Variants in SLX4 observed in about 807,000 individuals in gnomAD.
The protein encoded by SLX4 is SLX4 structure-specific endonuclease subunit, also known as structure-specific endonuclease subunit SLX4.
Under a neutral mutation model 146.2 loss-of-function variants are expected in SLX4, and 112 were observed. The ratio of observed to expected loss-of-function variants is 0.77; its 90% CI spans 0.66 to 0.90. The LOEUF (loss-of-function observed/expected upper bound fraction) is 0.90, where lower values mean the gene tolerates loss of function less well. Among genes scored for constraint, SLX4 ranks in the 40% least tolerant of loss-of-function variants. The pLI is 0.00. For synonymous variants in SLX4, 1,061 were observed against 997.7 expected (o/e 1.06, Z -1.20); for missense variants, 2,563 against 2,392.7 (o/e 1.07, Z -1.49).
At position 3,588,999 on chromosome 16, in the gene SLX4, C is replaced by T; in HGVS notation, c.4636+3G>A. The T allele has an allele frequency of 6.2e-7, 1 of 1,614,042 alleles. No individual in the cohort carries two copies. The highest frequency in any genetic ancestry group is 1.1e-5 in the South Asian group (1 of 91,080). ...CCCTTCCCCAGCTCTCCTGGCTACT[C>T]ACTGGGTGTCTCTAACCCTTCGGGC... On this transcript the variant is annotated splice_donor_region_variant and intron_variant, in intron 12 of 14. Transcript: ENST00000294008.
intron 13 of SLX4, among the ~76,000 whole-genome samples, chr16:3,583,996 C>G (rs1034162784): frequency 5.3e-5 from 8 of 151,932 alleles, no homozygotes; most frequent in Admixed American, 2.6e-4. Context: ...GAGATCCTGT[C>G]TCCAAAAATA....
chr16:3,596,710 G>T (rs1434529680), intron 7 of SLX4, among the ~76,000 whole-genome samples: 1 of 152,232 alleles, frequency 6.6e-6, no homozygotes, highest in Non-Finnish European at 1.5e-5. Flanking sequence ...GCTGCCTCAG[G>T]CAGCTGCGTA....
intron 5 of SLX4, among the ~76,000 whole-genome samples, chr16:3,599,533 G>A (rs1215605769): frequency 6.6e-6 from 1 of 152,252 alleles, no homozygotes; most frequent in East Asian, 1.9e-4. Context: ...ATTAATTCAT[G>A]CAAGATTTTT....
In SLX4 at chr16:3,597,501, G is replaced by A. The variant is rs2040675852; in HGVS notation, c.1561C>T (p.Pro521Ser). The part of the protein sequence containing the change: ...EGWERAGQCP[P>S]PPERKQSFLW... The stretch of plus-strand genomic sequence containing the variant: ...AAGCTCTGCTTGCGTTCAGGTGGAG[G>A]AGGACACTGGCCCGCTCTTTCCCAC... Residue 521 changes from proline to serine, a missense_variant, in exon 7 of 15, where the codon CCT becomes TCT. By Grantham distance (74) the Pro-to-Ser change is moderately conservative (BLOSUM62 -1). Transcript: ENST00000294008. The surrounding 1 kb of genome is among the most constrained non-coding windows in gnomAD (Gnocchi z 4.4). The A allele has an allele frequency of 2.5e-6, 4 of 1,613,976 alleles. No homozygotes were observed. In the African/African-American group the frequency reaches 4.0e-5, roughly 16 times the overall value.
At chr16:3,606,834 G>A in intron 2 of SLX4, 136 bp from the exon 3 acceptor site, 3 of 883,258 alleles carry the variant, frequency 3.4e-6, no homozygotes, top group Non-Finnish European at 5.5e-6. Flanking sequence ...AATGTGAAGA[G>A]GACTGGTTGC....
chr16:3,600,619 TTG>T, intron 5 of SLX4: 3 of 137,674 alleles, frequency 2.2e-5, no homozygotes, highest in Non-Finnish European at 4.7e-5. Flanking sequence ...TTTTTTTTTT[TTG>T]GAGACAGGAT....
rs181627604 is a variant in SLX4, at chr16:3,606,143, C to A, written c.760+331G>T. ...GGTGTGGTGGCACACGTCTGTAATCCCACTGGCTGGGGCAAGATAATTGCT... is the reference window on the plus strand; with the variant it reads ...GGTGTGGTGGCACACGTCTGTAATCACACTGGCTGGGGCAAGATAATTGCT... On this transcript the variant is annotated intron_variant, in intron 3 of 14. Coordinates refer to ENST00000294008, the MANE Select transcript of SLX4 (RefSeq NM_032444.4). Among the ~76,000 whole-genome samples the A allele has an allele frequency of 4.2e-4, 64 of 151,308 alleles. 1 individual carries two copies. The Middle Eastern group carries it at 0.01, about 24-fold the overall frequency.
chr16:3,582,131 C>T lies in SLX4; in HGVS notation c.*211G>A. ...TGGAGTCTGTAAATCCAGTGGGTGACATGCTCCAAATGCCACCCTAGAAAG... is the reference window on the plus strand; with the variant it reads ...TGGAGTCTGTAAATCCAGTGGGTGATATGCTCCAAATGCCACCCTAGAAAG... On this transcript the variant is annotated 3_prime_UTR_variant, in exon 15 of 15. Coordinates refer to ENST00000294008, the MANE Select transcript of SLX4 (RefSeq NM_032444.4). 3 of 598,232 alleles carry T rather than the reference C, an allele frequency of 5.0e-6. No homozygotes were observed. The South Asian group carries it at 6.0e-5, about 12-fold the overall frequency. 37.1% of individuals were successfully genotyped at this position (598,232 alleles called of 1,614,324 possible).
At chr16:3,602,409 A>G in intron 3 of SLX4, 102 bp from the exon 4 acceptor site, 3 of 1,374,148 alleles carry the variant, frequency 2.2e-6, no homozygotes, top group Non-Finnish European at 3.1e-6. Flanking sequence ...GAGCAGGTGG[A>G]ACGCAAAGAA....
At position 3,589,589 on chromosome 16, in the gene SLX4, C is replaced by A. The variant is rs1180463484; in HGVS notation, c.4049G>T (p.Gly1350Val). Residue 1350 changes from glycine (G) to valine (V), a missense_variant, in exon 12 of 15, where the codon GGC (glycine) becomes GTC (valine). By Grantham distance (109) the Gly-to-Val change is moderately radical (BLOSUM62 -3). Transcript: ENST00000294008. This position sits in a 1 kb window ranked among gnomAD's most constrained non-coding sequence, Gnocchi z 6.2. ...HRSPSRPHPG[G>V]HPHSSPLAPH... is the part of the protein sequence containing the mutation. Reference sequence around the variant, plus strand: ...AGCCAGCGGAGAGGAGTGCGGGTGGCCCCCGGGGTGGGGACGGGAAGGGCT... The same window carrying A: ...AGCCAGCGGAGAGGAGTGCGGGTGGACCCCGGGGTGGGGACGGGAAGGGCT... 5 of 1,613,246 alleles carry A rather than the reference C, an allele frequency of 3.1e-6. No individual in the cohort carries two copies. The highest frequency in any genetic ancestry group is 4.2e-6 in the Non-Finnish European group (5 of 1,179,884).
intron 3 of SLX4, among the ~76,000 whole-genome samples, chr16:3,603,106 T>C (rs2040745646): frequency 6.6e-6 from 1 of 152,142 alleles, no homozygotes; most frequent in African/African-American, 2.4e-5. Flanking sequence ...CAGGCTGGAG[T>C]GCAACGACGC....
chr16:3,600,518 G>A (rs562821982), intron 5 of SLX4: 2 of 209,048 alleles, frequency 9.6e-6, no homozygotes, highest in African/African-American at 4.9e-5. Context: ...TCTAGACTGT[G>A]CCCGATTTCC....
intron 5 of SLX4, among the ~76,000 whole-genome samples, chr16:3,600,195 A>G (rs2040710748): frequency 6.6e-6 from 1 of 152,204 alleles, no homozygotes; most frequent in South Asian, 2.1e-4. Flanking sequence ...TGCGGCTCAC[A>G]ACAGGGTTTG....
At position 3,583,161 on chromosome 16, in the gene SLX4, G is replaced by A; in HGVS notation, c.5089C>T (p.Pro1697Ser). ...GTGGCCACGGATTCTTGAGAGGCTG[G>A]GATCTGGGCGTCATCATTGAGGCCT... Reference protein sequence around the residue: ...PPGLNDDAQIPASQESVATSV... With the variant: ...PPGLNDDAQISASQESVATSV... The change falls in exon 14 of 15, where the codon CCA becomes TCA. Residue 1697 changes from proline (P) to serine (S), a missense_variant. Physicochemically the swap from Pro to Ser is moderately conservative, Grantham distance 74. Transcript: ENST00000294008. The A allele has an allele frequency of 6.2e-7, 1 of 1,614,272 alleles. No homozygotes were observed. Among genetic ancestry groups the A allele is most frequent in the African/African-American group, 1.3e-5 (1 of 75,072 alleles).
chr16:3,598,225 G>A (rs1396916467), intron 5 of SLX4, among the ~76,000 whole-genome samples: 2 of 152,204 alleles, frequency 1.3e-5, no homozygotes, highest in Non-Finnish European at 2.9e-5. Context: ...TTCACGTGCT[G>A]CTGTCCAGCA....
intron 12 of SLX4, among the ~76,000 whole-genome samples, chr16:3,588,545 T>G (rs747432032): frequency 1.1e-4 from 17 of 152,208 alleles, no homozygotes; most frequent in Non-Finnish European, 1.9e-4. Flanking sequence ...TCTATGAACA[T>G]GCATGTCTGA....
intron 12 of SLX4, among the ~76,000 whole-genome samples, chr16:3,585,889 G>C (rs2040503208): frequency 6.6e-6 from 1 of 151,908 alleles, no homozygotes; most frequent in African/African-American, 2.4e-5. Flanking sequence ...GCTGGTTCCA[G>C]CTACTCGGGA....
Position 3,589,203 on chromosome 16 carries a change from G to T in SLX4, c.4435C>A (p.Arg1479=). Residue 1479 remains arginine, a synonymous_variant, in exon 12 of 15, where the codon CGA becomes AGA. Transcript: ENST00000294008. The surrounding 1 kb of genome is among the most constrained non-coding windows in gnomAD (Gnocchi z 6.2). ...SPGLLDTTPI[R]GSCTTQRKLQ... is the part of the protein sequence containing the mutation. Reference sequence around the variant, plus strand: ...TTCCTCTGGGTAGTGCAGCTTCCTCGGATGGGGGTGGTGTCCAGGAGTCCC... The same window carrying T: ...TTCCTCTGGGTAGTGCAGCTTCCTCTGATGGGGGTGGTGTCCAGGAGTCCC... 1.9e-6 allele frequency: 3 copies of T among 1,613,938 alleles called. No homozygotes were observed. Among genetic ancestry groups the T allele is most frequent in the Non-Finnish European group, 2.5e-6 (3 of 1,179,852 alleles).
Position 3,590,217 on chromosome 16 carries a change from A to T in SLX4, c.3421T>A (p.Ser1141Thr). 1 of 1,614,162 alleles carries T rather than the reference A, an allele frequency of 6.2e-7. No homozygotes were observed. The highest frequency in any genetic ancestry group is 1.1e-5 in the South Asian group (1 of 91,086). Residue 1141 changes from serine to threonine, a missense_variant, in exon 12 of 15, where the codon TCT becomes ACT. Ser to Thr is a moderately conservative substitution (Grantham distance 58). Coordinates refer to ENST00000294008, the MANE Select transcript of SLX4 (RefSeq NM_032444.4). The surrounding 1 kb of genome is among the most constrained non-coding windows in gnomAD (Gnocchi z 4.8). ...TCTTCTTCGTTCAGTTTGGATGAAG[A>T]TTTCTGAGATCTGGAGCTCGAATGG... ...PDHSSSRSQKSSSKLNEEDEV... is the reference protein window; with the variant it reads ...PDHSSSRSQKTSSKLNEEDEV...
Sources: gnomAD v4.1 joint callset for allele counts (sites outside exome capture counted in the v4.1 genomes callset) on GRCh38, gnomAD v4.1.1 for gene constraint, Gnocchi (gnomAD v3.1) non-coding constraint, MANE v1.5 for transcripts, NCBI Gene and HGNC (gene_info 2026-07-23, HGNC 2026-07-21) for gene names.